Variants in NEBL observed in about 807,000 individuals in gnomAD.
NEBL encodes nebulette, also known as LIM and SH3 protein 2.
In NEBL, 122 loss-of-function variants were observed where a neutral mutation model predicts 140.2. The ratio of observed to expected loss-of-function variants is 0.87; its 90% CI spans 0.75 to 1.01. NEBL has a LOEUF of 1.01. Among genes scored for constraint, NEBL ranks in the 50% least tolerant of loss-of-function variants. NEBL has a pLI of 0.00. For synonymous variants in NEBL, 436 were observed against 398.9 expected, an observed-to-expected ratio of 1.09 and a Z score of -1.11; for missense variants, 1,365 against 1,231.3, an observed-to-expected ratio of 1.11 and a Z score of -1.62.
At chr10:21,240,830 A>G (rs1842428509) in intron 3 of NEBL, among the ~76,000 whole-genome samples, 1 of 152,006 alleles carries the variant, frequency 6.6e-6, no homozygotes, top group Admixed American at 6.6e-5. Flanking sequence ...AATAGTTACA[A>G]TAGAATTTTA....
Position 20,785,692 on chromosome 10 carries a change from A to G in NEBL, c.*55T>C. ...TCTTAAAAGTATCTTCTATCTTTTAAAAAGATTAGGTTTGGGATACATTAG... is the reference window on the plus strand; with the variant it reads ...TCTTAAAAGTATCTTCTATCTTTTAGAAAGATTAGGTTTGGGATACATTAG... On this transcript the variant is annotated 3_prime_UTR_variant, in exon 28 of 28. Coordinates refer to ENST00000377122, the MANE Select transcript of NEBL (RefSeq NM_006393.3). 1 of 1,571,404 alleles carries G rather than the reference A, an allele frequency of 6.4e-7. No individual in the cohort carries two copies. The highest frequency in any genetic ancestry group is 8.7e-7 in the Non-Finnish European group (1 of 1,151,564).
At position 21,105,873 on chromosome 10, in the gene NEBL, A is replaced by G. The variant is rs564349990; in HGVS notation, c.164+66510T>C. On this transcript the variant is annotated intron_variant, in intron 2 of 6. Coordinates refer to the NEBL transcript ENST00000417816. ...GTTGTTTCCTGACTTTTCAATGATC[A>G]CCATTCTAACTGGCATGAGATGGTA... 8.5e-5 allele frequency among the ~76,000 whole-genome samples: 13 copies of G among 152,166 alleles called. No individual in the cohort carries two copies. The South Asian group carries it at 1.7e-3, about 19-fold the overall frequency.
Position 20,781,035 on chromosome 10 carries a change from T to G in NEBL, c.*4712A>C, listed in dbSNP as rs1048193961. 3.9e-5 allele frequency: 6 copies of G among 152,470 alleles called. No homozygotes were observed. Among genetic ancestry groups the G allele is most frequent in the African/African-American group, 1.4e-4 (6 of 41,466 alleles). 9.4% of individuals were successfully genotyped at this position (152,470 alleles called of 1,614,324 possible). On this transcript the variant is annotated 3_prime_UTR_variant, in exon 28 of 28. Coordinates refer to ENST00000377122, the MANE Select transcript of NEBL (RefSeq NM_006393.3). ...AAATAATGTCTTATTACACATTAAC[T>G]GCGACATCCACTAAAATGTGAACTA...
intron 2 of NEBL, among the ~76,000 whole-genome samples, chr10:21,097,575 A>G (rs1269305566): frequency 6.6e-6 from 1 of 152,214 alleles, no homozygotes; most frequent in Non-Finnish European, 1.5e-5. Flanking sequence ...GTATATTGCC[A>G]GGCCCTGGGC....
At chr10:21,035,242 C>T (rs1237559868) in intron 2 of NEBL, among the ~76,000 whole-genome samples, 2 of 152,146 alleles carry the variant, frequency 1.3e-5, no homozygotes, top group Admixed American at 6.5e-5. Context: ...AAGTGATCTG[C>T]CCGCTTCGGC....
intron 9 of NEBL, among the ~76,000 whole-genome samples, 183 bp downstream of exon 9, chr10:20,858,057 T>C (rs552475942): frequency 6.6e-6 from 1 of 152,180 alleles, no homozygotes; most frequent in Non-Finnish European, 1.5e-5. Context: ...AGAACCTCCT[T>C]TGCAAAGTGA....
At chr10:20,895,741 G>C (rs184178575) in intron 2 of NEBL, among the ~76,000 whole-genome samples, 4 of 152,210 alleles carry the variant, frequency 2.6e-5, no homozygotes, top group Admixed American at 2.6e-4. Flanking sequence ...ATTTCCACCA[G>C]CATCCTTTGT....
At chr10:21,192,637 G>T (rs1479751389) in intron 3 of NEBL, among the ~76,000 whole-genome samples, 3 of 151,510 alleles carry the variant, frequency 2.0e-5, no homozygotes, top group Non-Finnish European at 4.4e-5. Context: ...TTGAGTTCAG[G>T]AGTTCGAGAC....
chr10:21,046,154 C>G lies in NEBL; in HGVS notation c.165-25953G>C, dbSNP rs574278408. Among the ~76,000 whole-genome samples the G allele has an allele frequency of 2.0e-5, 3 of 152,258 alleles. No homozygotes were observed. In the East Asian group the frequency reaches 5.8e-4, roughly 29 times the overall value. Reference sequence around the variant, plus strand: ...CAGAAAGATAAATACCACATGATCTCACTCATCCATGAAATCTAAAAAAGT... The same window carrying G: ...CAGAAAGATAAATACCACATGATCTGACTCATCCATGAAATCTAAAAAAGT... On this transcript the variant is annotated intron_variant, in intron 2 of 6. Coordinates refer to the NEBL transcript ENST00000417816.
intron 2 of NEBL, among the ~76,000 whole-genome samples, chr10:21,039,344 T>A (rs1006449993): frequency 6.6e-6 from 1 of 152,114 alleles, no homozygotes; most frequent in African/African-American, 2.4e-5. Flanking sequence ...TCTTCTAGGG[T>A]TTTTATGGTT....
Position 20,869,792 on chromosome 10 carries a change from A to C in NEBL, c.530T>G (p.Leu177Arg). The change falls in exon 6 of 28, where the codon CTT becomes CGT. Residue 177 changes from leucine to arginine, a missense_variant. Coordinates refer to ENST00000377122, the MANE Select transcript of NEBL (RefSeq NM_006393.3). ...TGCCATCTTGATGTCTGGTCGGTCA[A>C]GTTCTGCACTGTACGTGTGGGTGTC... ...VQDTHTYSAE[L>R]DRPDIKMATQ... The C allele has an allele frequency of 6.2e-7, 1 of 1,613,692 alleles. No homozygotes were observed. The highest frequency in any genetic ancestry group is 1.3e-5 in the African/African-American group (1 of 75,024).
In NEBL at chr10:20,781,955, G is replaced by A. The variant is rs1835062902; in HGVS notation, c.*3792C>T. The A allele has an allele frequency of 6.6e-6, 1 of 152,488 alleles. No individual in the cohort carries two copies. The highest frequency in any genetic ancestry group is 1.5e-5 in the Non-Finnish European group (1 of 68,010). The allele number at this position is 152,488 out of a possible 1,614,324, so 9.4% of individuals were successfully genotyped here. On this transcript the variant is annotated 3_prime_UTR_variant, in exon 28 of 28. Transcript: ENST00000377122. ...AGGTATAATTAATTTATGAAGTGAA[G>A]TTCATCTTGTGTAGTGAATCCAGCC... is the stretch of plus-strand genomic sequence containing the variant.
intron 1 of NEBL, among the ~76,000 whole-genome samples, chr10:21,254,559 T>C (rs762527421): frequency 3.3e-5 from 5 of 152,170 alleles, no homozygotes; most frequent in Non-Finnish European, 7.4e-5. Flanking sequence ...TTCTTATGCC[T>C]CAGCCTCCCA....
At chr10:21,199,456 T>C (rs1841700502) in intron 3 of NEBL, among the ~76,000 whole-genome samples, 2 of 152,236 alleles carry the variant, frequency 1.3e-5, no homozygotes, top group Non-Finnish European at 2.9e-5. Context: ...ATTAGGATCT[T>C]TGAATGTGGC....
At chr10:20,977,898 G>C (rs10828163) in intron 3 of NEBL, among the ~76,000 whole-genome samples, 27,667 of 152,052 alleles carry the variant, frequency 0.18, 4,632 homozygotes, top group African/African-American at 0.44. Flanking sequence ...CAAGCCTAAC[G>C]TTCCTGCTCA....
At chr10:20,908,755 A>C (rs1370929160) in intron 4 of NEBL, among the ~76,000 whole-genome samples, 1 of 152,208 alleles carries the variant, frequency 6.6e-6, no homozygotes, top group Non-Finnish European at 1.5e-5. Context: ...CAGCACTGTG[A>C]GTAACAACAA....
intron 3 of NEBL, among the ~76,000 whole-genome samples, chr10:20,992,993 C>T (rs2131691555): frequency 6.6e-6 from 1 of 151,728 alleles, no homozygotes; most frequent in South Asian, 2.1e-4. Context: ...CTGTGTTAGC[C>T]AGGATGGTCT....
chr10:21,056,754 C>T (rs1165728883), intron 2 of NEBL, among the ~76,000 whole-genome samples: 1 of 152,140 alleles, frequency 6.6e-6, no homozygotes, highest in Non-Finnish European at 1.5e-5. Flanking sequence ...AAGCAAAATA[C>T]TGCGAGAAAG....
chr10:20,934,926 T>C (rs541971630), intron 4 of NEBL, among the ~76,000 whole-genome samples: 5 of 152,262 alleles, frequency 3.3e-5, no homozygotes, highest in African/African-American at 7.2e-5. Flanking sequence ...AGTATCACGA[T>C]AGGTCAAGAG....
Sources: gnomAD v4.1 joint callset for allele counts (sites outside exome capture counted in the v4.1 genomes callset) on GRCh38, gnomAD v4.1.1 for gene constraint, MANE v1.5 for transcripts, NCBI Gene and HGNC (gene_info 2026-07-23, HGNC 2026-07-21) for gene names.